Variants in SRP19 observed in about 807,000 individuals in gnomAD.
SRP19 encodes the protein signal recognition particle 19.
A neutral mutation model predicts 22.4 loss-of-function variants in SRP19; 11 were observed. That is an observed-to-expected ratio of 0.49 (90% CI 0.31 to 0.81). The LOEUF (loss-of-function observed/expected upper bound fraction) is 0.81. Ranked by LOEUF, SRP19 falls within the 40% of genes least tolerant of loss-of-function variation. The pLI, the probability that SRP19 is intolerant of heterozygous loss-of-function variation, is 0.05. For synonymous variants in SRP19, 61 were observed against 57.6 expected, an observed-to-expected ratio of 1.06 and a Z score of -0.27; for missense variants, 168 against 175.9, an observed-to-expected ratio of 0.96 and a Z score of 0.25.
intron 4 of SRP19, 158 bp from the exon 5 acceptor site, chr5:112,867,246 C>A: frequency 1.4e-6 from 1 of 729,802 alleles, no homozygotes; most frequent in Non-Finnish European, 2.1e-6. Context: ...CCGACTTGAG[C>A]TAGTCAGTGT....
chr5:112,888,346 T>G (rs1768325121), intron 4 of SRP19, among the ~76,000 whole-genome samples: 1 of 152,230 alleles, frequency 6.6e-6, no homozygotes, highest in Non-Finnish European at 1.5e-5. Flanking sequence ...CAGCACCATG[T>G]TGGCTCTGAG....
intron 4 of SRP19, among the ~76,000 whole-genome samples, chr5:112,888,623 T>C (rs1768337478): frequency 6.6e-6 from 1 of 151,296 alleles, no homozygotes; most frequent in African/African-American, 2.4e-5. Context: ...GAGACAAGTG[T>C]CACAATGTTG....
chr5:112,883,688 C>G (rs927083656), intron 4 of SRP19, among the ~76,000 whole-genome samples: 6 of 152,138 alleles, frequency 3.9e-5, no homozygotes, highest in Non-Finnish European at 7.3e-5. Flanking sequence ...ACTCTTGACA[C>G]CTGTATCCAA....
chr5:112,864,513 T>A lies in SRP19; in HGVS notation c.174T>A (p.Leu58=), dbSNP rs1471432506. 1 of 1,614,076 alleles carries A rather than the reference T, an allele frequency of 6.2e-7. No individual in the cohort carries two copies. Among genetic ancestry groups the A allele is most frequent in the South Asian group, 1.1e-5 (1 of 91,082 alleles). Residue 58 remains leucine (L), a synonymous_variant, in exon 3 of 5, where the codon CTT becomes CTA. Coordinates refer to ENST00000505459, the MANE Select transcript of SRP19 (RefSeq NM_003135.3). ...EIQDVCSAVG[L]NVFLEKNKMY... is the part of the protein sequence containing the mutation. ...AAGATGTATGTTCAGCAGTTGGACT[T>A]AACGTATTTCTTGAGGTATGACGTG...
chr5:112,871,619 G>A (rs956050823), downstream of SRP19, among the ~76,000 whole-genome samples: 30 of 152,026 alleles, frequency 2.0e-4, no homozygotes, highest in African/African-American at 6.8e-4. Flanking sequence ...CTAGCCAGGC[G>A]TGGTGGTGGG....
chr5:112,895,951 A>G (rs1054048053), downstream of SRP19: 1 of 152,160 alleles, frequency 6.6e-6, no homozygotes, highest in South Asian at 2.1e-4. Flanking sequence ...CACTGACACA[A>G]TGACTCCTTA....
chr5:112,867,539 C>G lies in SRP19; in HGVS notation c.*2C>G. On this transcript the variant is annotated 3_prime_UTR_variant, in exon 5 of 5. Coordinates refer to ENST00000505459, the MANE Select transcript of SRP19 (RefSeq NM_003135.3). ...GGGAAAGGAAAGAAAAAGAAGTAAC[C>G]TAGTATCAGCATCAAGTATGTGGTA... 1 of 1,605,446 alleles carries G rather than the reference C, an allele frequency of 6.2e-7. No homozygotes were observed. The highest frequency in any genetic ancestry group is 8.5e-7 in the Non-Finnish European group (1 of 1,176,052).
At chr5:112,875,831 G>A (rs1767881164) in intron 4 of SRP19, among the ~76,000 whole-genome samples, 1 of 151,826 alleles carries the variant, frequency 6.6e-6, no homozygotes, top group South Asian at 2.1e-4. Context: ...TGGATCATGA[G>A]GTCAGGAGAT....
In SRP19 at chr5:112,864,706, G is replaced by A. The variant is rs754134796; in HGVS notation, c.275G>A (p.Ser92Asn). 3 of 1,613,972 alleles carry A rather than the reference G, an allele frequency of 1.9e-6. No homozygotes were observed. Among genetic ancestry groups the A allele is most frequent in the South Asian group, 1.1e-5 (1 of 91,070 alleles). The change falls in exon 4 of 5, where the codon AGC (serine) becomes AAC (asparagine). Residue 92 changes from serine (S) to asparagine (N), a missense_variant. Coordinates refer to ENST00000505459, the MANE Select transcript of SRP19 (RefSeq NM_003135.3). ...VRVQLKQEDG[S>N]LCLVQFPSRK... Reference sequence around the variant, plus strand: ...GTCCAGCTCAAACAGGAAGATGGGAGCCTCTGCCTTGTACAGTTCCCATCA... The same window carrying A: ...GTCCAGCTCAAACAGGAAGATGGGAACCTCTGCCTTGTACAGTTCCCATCA...
At chr5:112,872,175 T>A (rs1358923985), downstream of SRP19, among the ~76,000 whole-genome samples, 1 of 152,208 alleles carries the variant, frequency 6.6e-6, no homozygotes, top group African/African-American at 2.4e-5. Context: ...TACATTCTGT[T>A]CACAGCTCAG....
At chr5:112,873,080 G>A (rs1767792489), downstream of SRP19, among the ~76,000 whole-genome samples, 1 of 137,812 alleles carries the variant, frequency 7.3e-6, no homozygotes, top group Non-Finnish European at 1.5e-5. Flanking sequence ...TGTGTGCTTT[G>A]TGTGGGTCTT....
At chr5:112,873,433 G>A (rs1481700941), downstream of SRP19, among the ~76,000 whole-genome samples, 6 of 143,984 alleles carry the variant, frequency 4.2e-5, no homozygotes, top group Middle Eastern at 3.6e-3. Context: ...CGCAACCTCT[G>A]CCTCCTGGGT....
At position 112,890,541 on chromosome 5, in the gene SRP19, C is replaced by A. The variant is rs930709206; in HGVS notation, c.302-1062C>A. 1.3e-5 allele frequency among the ~76,000 whole-genome samples: 2 copies of A among 150,124 alleles called. 1 individual carries two copies. Among genetic ancestry groups the A allele is most frequent in the Admixed American group, 1.3e-4 (2 of 15,068 alleles). On this transcript the variant is annotated intron_variant, in intron 4 of 4. Transcript: ENST00000391338. ...TGCAGGCACGCACCATCACGTCTGG[C>A]TAATTTTTGTACTTTTTGTAGAGAT...
chr5:112,871,183 C>T (rs1290550601), downstream of SRP19, among the ~76,000 whole-genome samples: 5 of 149,230 alleles, frequency 3.4e-5, no homozygotes, highest in Non-Finnish European at 7.4e-5. Flanking sequence ...GATTTCAGAA[C>T]TATTGCTGTA....
intron 4 of SRP19, 62 bp downstream of exon 4, chr5:112,864,794 A>G: frequency 7.6e-7 from 1 of 1,315,848 alleles, no homozygotes; most frequent in Non-Finnish European, 1.1e-6. Flanking sequence ...CAACACAAAA[A>G]AGGTTCTAAA....
chr5:112,867,563 T>C lies in SRP19; in HGVS notation c.*26T>C, dbSNP rs962677081. The C allele has an allele frequency of 1.1e-5, 18 of 1,585,526 alleles. No homozygotes were observed. The highest frequency in any genetic ancestry group is 2.3e-4 in the Middle Eastern group (1 of 4,438). On this transcript the variant is annotated 3_prime_UTR_variant, in exon 5 of 5. Transcript: ENST00000505459. ...CCTAGTATCAGCATCAAGTATGTGG[T>C]ACTACTGTAAGAGACATGAATGGAG...
At chr5:112,870,033 T>C (rs928254582), downstream of SRP19, among the ~76,000 whole-genome samples, 1 of 152,140 alleles carries the variant, frequency 6.6e-6, no homozygotes, top group Admixed American at 6.5e-5. Flanking sequence ...TATAATAAAA[T>C]GTATGTGGAA....
At chr5:112,887,990 A>G (rs540809134) in intron 4 of SRP19, among the ~76,000 whole-genome samples, 1 of 152,352 alleles carries the variant, frequency 6.6e-6, no homozygotes, top group Admixed American at 6.5e-5. Context: ...CCATTTCCCT[A>G]GAAAGTTTAA....
At chr5:112,882,449 T>C (rs993475166) in intron 4 of SRP19, among the ~76,000 whole-genome samples, 11 of 152,232 alleles carry the variant, frequency 7.2e-5, no homozygotes, top group African/African-American at 2.7e-4. Context: ...CCTCACTTCA[T>C]AGTTCTTGCT....
Sources: gnomAD v4.1 joint callset for allele counts (sites outside exome capture counted in the v4.1 genomes callset) on GRCh38, gnomAD v4.1.1 for gene constraint, MANE v1.5 for transcripts, NCBI Gene and HGNC (gene_info 2026-07-23, HGNC 2026-07-21) for gene names.